KCNAB2: variants seen among roughly 807,000 people sequenced by gnomAD.
KCNAB2 encodes the protein potassium voltage-gated channel subfamily A regulatory beta subunit 2.
A neutral mutation model predicts 63.6 loss-of-function variants in KCNAB2; 29 were observed. The observed-to-expected ratio is 0.46, with a 90% confidence interval of 0.34 to 0.62. KCNAB2 has a LOEUF of 0.62. KCNAB2 is among the 20% of genes least tolerant of loss of function. The probability of loss-of-function intolerance (pLI) is 0.01; values close to 1 mark genes in which losing one functional copy is unlikely to be tolerated. For synonymous variants in KCNAB2, 222 were observed against 224.2 expected (o/e 0.99, Z 0.09); for missense variants, 359 against 563.9 (o/e 0.64, Z 3.68).
intron 1 of KCNAB2, among the ~76,000 whole-genome samples, chr1:6,008,105 C>T (rs920465561): frequency 6.6e-6 from 1 of 152,194 alleles, no homozygotes; most frequent in African/African-American, 2.4e-5. Flanking sequence ...GGGAGGCGAA[C>T]CTGGAGCTGG....
At chr1:6,066,515 C>T (rs1000830756) in intron 2 of KCNAB2, among the ~76,000 whole-genome samples, 3 of 152,156 alleles carry the variant, frequency 2.0e-5, no homozygotes, top group Non-Finnish European at 4.4e-5. Flanking sequence ...ATGGTGAGGG[C>T]GCCGTCTTCC....
At position 6,078,795 on chromosome 1, in the gene KCNAB2, G is replaced by A. The variant is rs557920881; in HGVS notation, c.301-3400G>A. Among the ~76,000 whole-genome samples the A allele has an allele frequency of 1.1e-4, 17 of 151,978 alleles. No individual in the cohort carries two copies. The highest frequency in any genetic ancestry group is 2.7e-4 in the African/African-American group (11 of 41,216). ...AGCGTGTGCACGATCCCATGTACTC[G>A]GAAGGCACATCCTGATGTGGCAGGG... On this transcript the variant is annotated intron_variant, in intron 4 of 15. Coordinates refer to ENST00000378083, the MANE Select transcript of KCNAB2 (RefSeq NM_001199862.2). This position sits in a 1 kb window ranked among gnomAD's most constrained non-coding sequence, Gnocchi z 4.2.
rs1317603252 is a variant in KCNAB2 at position 6,074,394 on chromosome 1, G to C, written c.300+624G>C. ...CCTCTGGGTCTCTCGGAAGGACAGG[G>C]ACGGCACACGCCCAGACATGTGTGC... On this transcript the variant is annotated intron_variant, in intron 4 of 15. Transcript: ENST00000378083. This position sits in a 1 kb window ranked among gnomAD's most constrained non-coding sequence, Gnocchi z 4.9. Among the ~76,000 whole-genome samples the C allele has an allele frequency of 1.3e-5, 2 of 152,252 alleles. No homozygotes were observed. Among genetic ancestry groups the C allele is most frequent in the Non-Finnish European group, 2.9e-5 (2 of 68,052 alleles).
intron 4 of KCNAB2, among the ~76,000 whole-genome samples, chr1:6,076,135 C>A (rs1300272734): frequency 3.3e-5 from 5 of 152,234 alleles, no homozygotes; most frequent in Non-Finnish European, 5.9e-5. Flanking sequence ...GCAGCTGTAC[C>A]CTGCACTATC....
intron 1 of KCNAB2, among the ~76,000 whole-genome samples, chr1:6,009,909 C>T (rs1420108375): frequency 2.6e-5 from 4 of 151,032 alleles, no homozygotes; most frequent in Non-Finnish European, 4.4e-5. Flanking sequence ...CTCACTCTGC[C>T]GCCCAGGCTG....
At position 6,086,484 on chromosome 1, in the gene KCNAB2, G is replaced by A. The variant is rs1283847642; in HGVS notation, c.426-983G>A. 3 of 692,604 alleles carry A rather than the reference G, an allele frequency of 4.3e-6. No homozygotes were observed. The highest frequency in any genetic ancestry group is 5.3e-6 in the Non-Finnish European group (3 of 562,642). 42.9% of individuals were successfully genotyped at this position (692,604 alleles called of 1,614,324 possible). ...CTGTGGCCGATGCTTCGGGGCAGAGGAGGCCTCCTACTCCAGCCTCGTGAG... is the reference window on the plus strand; with the variant it reads ...CTGTGGCCGATGCTTCGGGGCAGAGAAGGCCTCCTACTCCAGCCTCGTGAG... On this transcript the variant is annotated intron_variant, in intron 6 of 15. Transcript: ENST00000378083. This position sits in a 1 kb window ranked among gnomAD's most constrained non-coding sequence, Gnocchi z 4.2.
At chr1:6,025,904 TCCCGGCACACAGCCGATCC>T (rs1557941191) in intron 1 of KCNAB2, 5 of 137,838 alleles carry the variant, frequency 3.6e-5, no homozygotes, top group Admixed American at 7.3e-5. Flanking sequence ...ACACAGCCGA[TCCCGGCACACAGCCGATCC>T]CGGCACACAG....
At position 6,098,701 on chromosome 1, in the gene KCNAB2, C is replaced by T; in HGVS notation, c.*127C>T. On this transcript the variant is annotated 3_prime_UTR_variant, in exon 16 of 16. Coordinates refer to ENST00000378083, the MANE Select transcript of KCNAB2 (RefSeq NM_001199862.2). ...AAGAGAAAACACCACACTGTGATGTCATCGGGAAATGATCTCCCAAGTCGC... is the reference window on the plus strand; with the variant it reads ...AAGAGAAAACACCACACTGTGATGTTATCGGGAAATGATCTCCCAAGTCGC... 8.4e-7 allele frequency: 1 copy of T among 1,188,412 alleles called. No homozygotes were observed. The highest frequency in any genetic ancestry group is 1.2e-6 in the Non-Finnish European group (1 of 852,978). 73.6% of individuals were successfully genotyped at this position (1,188,412 alleles called of 1,614,324 possible). A position where few individuals can be genotyped will look rare whatever the true frequency, so the allele number is the denominator to read the frequency against.
chr1:6,018,026 C>T (rs72861025), intron 1 of KCNAB2, among the ~76,000 whole-genome samples: 450 of 152,320 alleles, frequency 3.0e-3, no homozygotes, highest in African/African-American at 0.01. Flanking sequence ...AGTCTTCCCA[C>T]CTGAGCCTTG....
At chr1:6,008,070 A>G (rs1657930472) in intron 1 of KCNAB2, among the ~76,000 whole-genome samples, 1 of 152,116 alleles carries the variant, frequency 6.6e-6, no homozygotes, top group Non-Finnish European at 1.5e-5. Flanking sequence ...CTACTTCATC[A>G]GGCATCCCCT....
chr1:6,068,152 A>G (rs1246905416), intron 2 of KCNAB2, among the ~76,000 whole-genome samples: 2 of 152,262 alleles, frequency 1.3e-5, no homozygotes, highest in African/African-American at 4.8e-5. Context: ...AAGCGGGACT[A>G]TTTCTAAACA....
At chr1:5,996,751 G>A (rs1411183476) in intron 1 of KCNAB2, among the ~76,000 whole-genome samples, 1 of 152,278 alleles carries the variant, frequency 6.6e-6, no homozygotes, top group African/African-American at 2.4e-5. Flanking sequence ...TGGACCCAGT[G>A]AGAAGGCTTT....
At chr1:6,093,171 C>A (rs780945014) in intron 10 of KCNAB2, among the ~76,000 whole-genome samples, 28 of 152,252 alleles carry the variant, frequency 1.8e-4, no homozygotes, top group Non-Finnish European at 3.8e-4. Flanking sequence ...AGCTTCCACG[C>A]AGCATGGGCA....
At position 6,024,972 on chromosome 1, in the gene KCNAB2, G is replaced by A. The variant is rs1048953531; in HGVS notation, c.-52-15545G>A. Among the ~76,000 whole-genome samples, 9 of 152,152 alleles carry A rather than the reference G, an allele frequency of 5.9e-5. No individual in the cohort carries two copies. The highest frequency in any genetic ancestry group is 2.2e-4 in the African/African-American group (9 of 41,416). On this transcript the variant is annotated intron_variant, in intron 1 of 16. Transcript: ENST00000341524. The surrounding 1 kb of genome is among the most constrained non-coding windows in gnomAD (Gnocchi z 5.4). ...TGTCATAGTCAGGGTTGGGAGCAAG[G>A]CCCAGAGCTGGCTCAACATGGGTTG...
chr1:6,009,885 T>G (rs1446699813), intron 1 of KCNAB2, among the ~76,000 whole-genome samples: 1 of 151,580 alleles, frequency 6.6e-6, no homozygotes, highest in Non-Finnish European at 1.5e-5. Flanking sequence ...TTTTTTTTTT[T>G]TTTCCGACAG....
At chr1:6,068,274 T>C (rs891510733) in intron 2 of KCNAB2, among the ~76,000 whole-genome samples, 91 of 152,372 alleles carry the variant, frequency 6.0e-4, no homozygotes, top group African/African-American at 1.7e-3. Context: ...TGTGTGCTTA[T>C]GTGTGCATGC....
upstream of KCNAB2, among the ~76,000 whole-genome samples, chr1:6,043,456 T>C (rs1660670605): frequency 6.6e-6 from 1 of 152,200 alleles, no homozygotes; most frequent in South Asian, 2.1e-4. Context: ...CATTTCCAGG[T>C]GGCCTTCCTG....
Position 6,095,627 on chromosome 1 carries a change from G to A in KCNAB2, c.948+3G>A. On this transcript the variant is annotated splice_donor_region_variant and intron_variant, in intron 13 of 15. Transcript: ENST00000378083. The stretch of plus-strand genomic sequence containing the variant: ...CCTACTCAAGAGCCTCCTTGAAGGT[G>A]AAGGAACAGCCTGGTGGGGAGGGAC... 6.2e-7 allele frequency: 1 copy of A among 1,612,966 alleles called. No individual in the cohort carries two copies.
chr1:6,023,919 T>C (rs552132960), intron 1 of KCNAB2, among the ~76,000 whole-genome samples: 1 of 150,772 alleles, frequency 6.6e-6, no homozygotes, highest in South Asian at 2.1e-4. Context: ...ACCACTGGCA[T>C]GCACCACCAT....
Sources: allele counts gnomAD v4.1 joint callset (sites outside exome capture counted in the v4.1 genomes callset), GRCh38; gene constraint gnomAD v4.1.1; non-coding constraint Gnocchi (gnomAD v3.1); transcripts MANE v1.5; gene names NCBI Gene and HGNC (gene_info 2026-07-23, HGNC 2026-07-21).